CADPS2: variants seen among roughly 807,000 people sequenced by gnomAD.
CADPS2 encodes calcium-dependent secretion activator 2.
A neutral mutation model predicts 172.5 loss-of-function variants in CADPS2; 93 were observed. The ratio of observed to expected loss-of-function variants is 0.54; its 90% CI spans 0.46 to 0.64. The LOEUF is 0.64. CADPS2 is among the 30% of genes least tolerant of loss of function. CADPS2 has a pLI of 0.00. For missense variants in CADPS2, 1,420 were observed against 1,565.9 expected, an observed-to-expected ratio of 0.91 and a Z score of 1.57; for synonymous variants, 546 against 555.2, an observed-to-expected ratio of 0.98 and a Z score of 0.23.
chr7:122,809,020 G>A (rs1165379903), intron 1 of CADPS2, among the ~76,000 whole-genome samples: 1 of 152,122 alleles, frequency 6.6e-6, no homozygotes, highest in African/African-American at 2.4e-5. Context: ...GGCTCCTGGA[G>A]TACTTGGCAA....
At position 122,820,726 on chromosome 7, in the gene CADPS2, AT is replaced by A. The variant is rs564590722; in HGVS notation, c.339+65272del. Among the ~76,000 whole-genome samples, 179 of 132,638 alleles carry A rather than the reference AT, an allele frequency of 1.3e-3. 19 individuals carry two copies. In the South Asian group the frequency reaches 0.043, roughly 32 times the overall value. The allele number at this position is 132,638 out of a possible 152,430, so 87.0% of individuals were successfully genotyped here. A position where few individuals can be genotyped will look rare whatever the true frequency, so the allele number is the denominator to read the frequency against. ...AGGCGCCCGCTACCACGCCCGGCTA[AT>A]TTTTTGTATTTTTAGTAGAGACGGG... is the stretch of plus-strand genomic sequence containing the variant. On this transcript the variant is annotated intron_variant, in intron 1 of 29. Transcript: ENST00000449022.
At chr7:122,663,875 T>C (rs983742360) in intron 2 of CADPS2, among the ~76,000 whole-genome samples, 27 of 152,134 alleles carry the variant, frequency 1.8e-4, no homozygotes, top group African/African-American at 5.6e-4. Flanking sequence ...TCCTTATGAA[T>C]GTGATTCGTG....
chr7:122,491,389 T>C lies in CADPS2; in HGVS notation c.1574A>G (p.Tyr525Cys), dbSNP rs1437882395. The C allele has an allele frequency of 1.2e-6, 2 of 1,610,788 alleles. No individual in the cohort carries two copies. The highest frequency in any genetic ancestry group is 1.7e-6 in the Non-Finnish European group (2 of 1,178,238). ...VSQYTFAMCSYREKKSEPQEL... is the reference protein window; with the variant it reads ...VSQYTFAMCSCREKKSEPQEL... ...TTGTGGTTCAGACTTCTTTTCTCTA[T>C]AACTGCACATAGCAAAGGTATATTG... The change falls in exon 10 of 30, where the codon TAT becomes TGT. Residue 525 changes from tyrosine (Y) to cysteine (C), a missense_variant. Coordinates refer to ENST00000449022, the MANE Select transcript of CADPS2 (RefSeq NM_017954.11).
At chr7:122,563,762 G>A (rs1009255095) in intron 7 of CADPS2, among the ~76,000 whole-genome samples, 2 of 152,158 alleles carry the variant, frequency 1.3e-5, no homozygotes, top group Admixed American at 1.3e-4. Flanking sequence ...TATCCTTAAA[G>A]TGAAGAGCAT....
chr7:122,574,151 T>C (rs933204013), intron 7 of CADPS2, among the ~76,000 whole-genome samples: 1 of 151,758 alleles, frequency 6.6e-6, no homozygotes, highest in African/African-American at 2.4e-5. Flanking sequence ...TAAAAAAAAA[T>C]GTGTATTTCT....
intron 2 of CADPS2, among the ~76,000 whole-genome samples, chr7:122,711,040 T>G (rs964394307): frequency 6.6e-5 from 10 of 152,104 alleles, no homozygotes; most frequent in African/African-American, 2.4e-4. Context: ...ATACAACTAC[T>G]CACTTTTTTA....
Position 122,393,547 on chromosome 7 carries a change from G to C in CADPS2, c.2782C>G (p.Gln928Glu), listed in dbSNP as rs1290143406. The change falls in exon 21 of 30, where the codon CAA (glutamine) becomes GAA (glutamate). Residue 928 changes from glutamine (Q) to glutamate (E), a missense_variant. Coordinates refer to ENST00000449022, the MANE Select transcript of CADPS2 (RefSeq NM_017954.11). ...LCNGKFHKHLQEIFVPLVVRY... is the reference protein window; with the variant it reads ...LCNGKFHKHLEEIFVPLVVRY... ...ACAACCAAGGGTACAAAGATTTCTT[G>C]CAAGTGTTTGTGAAATTTTCCATTA... 5 of 1,613,660 alleles carry C rather than the reference G, an allele frequency of 3.1e-6. No individual in the cohort carries two copies. Among genetic ancestry groups the C allele is most frequent in the Non-Finnish European group, 4.2e-6 (5 of 1,179,812 alleles).
intron 12 of CADPS2, among the ~76,000 whole-genome samples, chr7:122,476,184 A>G: frequency 6.6e-6 from 1 of 152,080 alleles, no homozygotes; most frequent in East Asian, 1.9e-4. Context: ...ATCTTTTAGT[A>G]TCATTTTTAT....
At chr7:122,450,858 A>C (rs1240174253) in intron 15 of CADPS2, among the ~76,000 whole-genome samples, 1 of 152,040 alleles carries the variant, frequency 6.6e-6, no homozygotes, top group African/African-American at 2.4e-5. Context: ...TTGAGCAAGG[A>C]ATGGTGCTAG....
chr7:122,417,591 C>G (rs1170421832), intron 17 of CADPS2, among the ~76,000 whole-genome samples: 1 of 152,110 alleles, frequency 6.6e-6, no homozygotes, highest in African/African-American at 2.4e-5. Context: ...TCAACATCCT[C>G]AAAGAAGCAT....
At chr7:122,710,079 A>AC (rs918921143) in intron 2 of CADPS2, among the ~76,000 whole-genome samples, 1 of 86,698 alleles carries the variant, frequency 1.2e-5, no homozygotes, top group East Asian at 4.6e-4. Flanking sequence ...CCTTCTGCCA[A>AC]CCCAAAAAAA....
chr7:122,667,627 G>A (rs776069850), intron 2 of CADPS2, among the ~76,000 whole-genome samples: 5 of 152,006 alleles, frequency 3.3e-5, no homozygotes, highest in Non-Finnish European at 7.4e-5. Context: ...AAATATAATA[G>A]GGCGACAGCA....
At chr7:122,812,723 C>T (rs1376943602) in intron 1 of CADPS2, among the ~76,000 whole-genome samples, 1 of 152,106 alleles carries the variant, frequency 6.6e-6, no homozygotes, top group African/African-American at 2.4e-5. Flanking sequence ...CTCTCTCCAC[C>T]GTGCTCCCAA....
intron 8 of CADPS2, among the ~76,000 whole-genome samples, chr7:122,538,160 G>A (rs2131507862): frequency 6.7e-6 from 1 of 149,728 alleles, no homozygotes; most frequent in South Asian, 2.1e-4. Flanking sequence ...AAAAAAAAGA[G>A]AAACAAAGTG....
At chr7:122,657,333 C>T (rs1248073591) in intron 3 of CADPS2, among the ~76,000 whole-genome samples, 25 of 152,026 alleles carry the variant, frequency 1.6e-4, no homozygotes, top group Admixed American at 9.2e-4. Context: ...TAGTGCTTTC[C>T]GATTCTGTGA....
At chr7:122,523,853 G>A (rs749104762) in intron 8 of CADPS2, among the ~76,000 whole-genome samples, 29 of 152,088 alleles carry the variant, frequency 1.9e-4, no homozygotes, top group Non-Finnish European at 3.5e-4. Flanking sequence ...TGGGAAAAAT[G>A]TCCAAAGAAT....
At chr7:122,594,046 T>G (rs1206195307) in intron 6 of CADPS2, among the ~76,000 whole-genome samples, 1 of 152,098 alleles carries the variant, frequency 6.6e-6, no homozygotes, top group Non-Finnish European at 1.5e-5. Flanking sequence ...AGTAACTATG[T>G]TTTATCATTC....
intron 2 of CADPS2, among the ~76,000 whole-genome samples, chr7:122,730,072 C>G (rs958859295): frequency 1.3e-5 from 2 of 151,434 alleles, no homozygotes; most frequent in African/African-American, 4.8e-5. Context: ...ATACAAAAAA[C>G]AAAATGAAGA....
chr7:122,556,200 T>C lies in CADPS2; in HGVS notation c.1336-1511A>G, dbSNP rs2065010248. Among the ~76,000 whole-genome samples the C allele has an allele frequency of 3.3e-5, 5 of 152,142 alleles. No homozygotes were observed. In the South Asian group the frequency reaches 1.0e-3, roughly 31 times the overall value. ...ATCCAGTGTAATATTTTACAGATTCTTTCTTAAGTGACAGTAAAGAAAAAT... is the reference window on the plus strand; with the variant it reads ...ATCCAGTGTAATATTTTACAGATTCCTTCTTAAGTGACAGTAAAGAAAAAT... On this transcript the variant is annotated intron_variant, in intron 7 of 29. Transcript: ENST00000449022.
Sources: gnomAD v4.1 joint callset for allele counts (sites outside exome capture counted in the v4.1 genomes callset) on GRCh38, gnomAD v4.1.1 for gene constraint, MANE v1.5 for transcripts, NCBI Gene and HGNC (gene_info 2026-07-23, HGNC 2026-07-21) for gene names.